Variants in MYLK observed in about 807,000 individuals in gnomAD.
MYLK encodes the protein myosin light chain kinase, smooth muscle.
A neutral mutation model predicts 203.4 loss-of-function variants in MYLK; 106 were observed. The observed-to-expected ratio is 0.52, with a 90% CI of 0.45 to 0.61. MYLK has a LOEUF of 0.61. Ranked by LOEUF, MYLK falls within the 20% of genes least tolerant of loss-of-function variation. The probability of loss-of-function intolerance (pLI) is 0.00; values close to 1 mark genes in which losing one functional copy is unlikely to be tolerated. For synonymous variants in MYLK, 867 were observed against 959.5 expected (o/e 0.90, Z 1.78); for missense variants, 2,072 against 2,442.3 (o/e 0.85, Z 3.20).
At chr3:123,786,219 C>T (rs1173390066) in intron 4 of MYLK, among the ~76,000 whole-genome samples, 2 of 151,574 alleles carry the variant, frequency 1.3e-5, no homozygotes, top group African/African-American at 4.9e-5. Context: ...AGGAGTGTCG[C>T]TCGAACCTGG....
rs2057237059 is a variant in MYLK at position 123,611,084 on chromosome 3, G to C, written c.*3021C>G. On this transcript the variant is annotated 3_prime_UTR_variant, in exon 34 of 34. Transcript: ENST00000360304. The stretch of plus-strand genomic sequence containing the variant: ...TCATTTTCTTTAAAAATAATAAATT[G>C]TTAGGGACATTTGTGGATTGTGAGT... 2 of 152,154 alleles carry C rather than the reference G, an allele frequency of 1.3e-5. No homozygotes were observed. 9.4% of individuals were successfully genotyped at this position (152,154 alleles called of 1,614,324 possible).
chr3:123,776,345 C>T (rs1201426034), intron 4 of MYLK, among the ~76,000 whole-genome samples: 1 of 152,156 alleles, frequency 6.6e-6, no homozygotes, highest in African/African-American at 2.4e-5. Flanking sequence ...ACAGTGCAAG[C>T]TGAAGAAGAC....
intron 27 of MYLK, among the ~76,000 whole-genome samples, chr3:123,645,269 T>C (rs1231887693): frequency 6.6e-6 from 1 of 152,142 alleles, no homozygotes; most frequent in Non-Finnish European, 1.5e-5. Context: ...AAATAACAAG[T>C]TAGAAGCAGA....
Position 123,722,234 on chromosome 3 carries a change from A to G in MYLK, c.1698T>C (p.Ala566=), listed in dbSNP as rs1576734425. 3 of 1,564,968 alleles carry G rather than the reference A, an allele frequency of 1.9e-6. No individual in the cohort carries two copies. Among genetic ancestry groups the G allele is most frequent in the Non-Finnish European group, 1.7e-6 (2 of 1,154,160 alleles). The change falls in exon 13 of 34, where the codon GCT becomes GCC. Residue 566 remains alanine (A), a synonymous_variant. Coordinates refer to ENST00000360304, the MANE Select transcript of MYLK (RefSeq NM_053025.4). ...GCAGGGCATCCTGGATGTGGAGCTC[A>G]GCCACGCCGGCCTCGCAGGTGGAGC... ...YARSTCEAGV[A]ELHIQDALPE...
intron 11 of MYLK, among the ~76,000 whole-genome samples, chr3:123,730,517 C>T (rs530632953): frequency 5.3e-5 from 8 of 152,244 alleles, no homozygotes; most frequent in South Asian, 4.2e-4. Flanking sequence ...TTAAGTGATG[C>T]GTGGATAAAC....
At chr3:123,752,705 A>C (rs1486038687) in intron 4 of MYLK, among the ~76,000 whole-genome samples, 167 bp from the exon 5 acceptor site, 1 of 152,128 alleles carries the variant, frequency 6.6e-6, no homozygotes, top group African/African-American at 2.4e-5. Context: ...GAGTTTTGGC[A>C]ATTTCCCAAG....
chr3:123,630,293 A>G (rs2058357457), intron 29 of MYLK, among the ~76,000 whole-genome samples: 1 of 152,188 alleles, frequency 6.6e-6, no homozygotes, highest in Admixed American at 6.5e-5. Flanking sequence ...GATCTGTGTC[A>G]GTTTTCTCCT....
At chr3:123,653,443 C>T (rs1312250298) in intron 24 of MYLK, among the ~76,000 whole-genome samples, 1 of 152,212 alleles carries the variant, frequency 6.6e-6, no homozygotes, top group Non-Finnish European at 1.5e-5. Context: ...TCCTCCTCCC[C>T]CTTGGTAATC....
intron 2 of MYLK, among the ~76,000 whole-genome samples, chr3:123,857,284 A>G (rs920679736): frequency 6.6e-5 from 10 of 152,208 alleles, no homozygotes; most frequent in African/African-American, 2.4e-4. Flanking sequence ...TGACCCAGTC[A>G]TCCCATTACT....
intron 4 of MYLK, among the ~76,000 whole-genome samples, chr3:123,766,990 C>T (rs75609972): frequency 2.9e-4 from 44 of 152,294 alleles, no homozygotes; most frequent in African/African-American, 1.1e-3. Context: ...ACATTTAAAG[C>T]AGAATTAGAC....
chr3:123,834,947 ATTG>A (rs1296443284), intron 2 of MYLK, among the ~76,000 whole-genome samples: 2 of 152,196 alleles, frequency 1.3e-5, no homozygotes, highest in African/African-American at 4.8e-5. Context: ...CCTGAAGGGT[ATTG>A]TTGGCTGGAC....
intron 3 of MYLK, among the ~76,000 whole-genome samples, chr3:123,825,346 C>A (rs1189327232): frequency 1.3e-5 from 2 of 152,022 alleles, no homozygotes; most frequent in Non-Finnish European, 2.9e-5. Flanking sequence ...ATGGAGCCAC[C>A]CAACCTCTGC....
intron 3 of MYLK, among the ~76,000 whole-genome samples, chr3:123,824,101 T>G (rs533590508): frequency 7.9e-5 from 12 of 152,036 alleles, no homozygotes; most frequent in African/African-American, 2.9e-4. Context: ...TCTTTTTTTT[T>G]TTTTTGAGAC....
At position 123,733,879 on chromosome 3, in the gene MYLK, T is replaced by C; in HGVS notation, c.1117A>G (p.Arg373Gly). 1 of 1,614,104 alleles carries C rather than the reference T, an allele frequency of 6.2e-7. No homozygotes were observed. Among genetic ancestry groups the C allele is most frequent in the East Asian group, 2.2e-5 (1 of 44,872 alleles). Residue 373 changes from arginine (R) to glycine (G), a missense_variant, in exon 10 of 34, where the codon AGG (arginine) becomes GGG (glycine). By Grantham distance (125) the Arg-to-Gly change is moderately radical (BLOSUM62 -2). Transcript: ENST00000360304. ...GTGGCTGGACGGGGAGGAGCTGGCC[T>C]CTTCCTCTCTTCTCCAGAAGGTGAT... ...VLSPSGEERKRPAPPRPATFP... is the reference protein window; with the variant it reads ...VLSPSGEERKGPAPPRPATFP...
rs569731444 is a variant in MYLK at position 123,651,443 on chromosome 3, C to T, written c.4289-2249G>A. 6.6e-5 allele frequency among the ~76,000 whole-genome samples: 10 copies of T among 152,292 alleles called. No individual in the cohort carries two copies. In the East Asian group the frequency reaches 1.5e-3, roughly 23 times the overall value. On this transcript the variant is annotated intron_variant, in intron 24 of 33. Coordinates refer to ENST00000360304, the MANE Select transcript of MYLK (RefSeq NM_053025.4). ...TGGACCAGTCACTGGACTAGGTCTTCGACACAGAATCATCCTATTTACTGT... is the reference window on the plus strand; with the variant it reads ...TGGACCAGTCACTGGACTAGGTCTTTGACACAGAATCATCCTATTTACTGT...
chr3:123,654,772 A>G (rs2059339930), intron 24 of MYLK, among the ~76,000 whole-genome samples: 1 of 133,192 alleles, frequency 7.5e-6, no homozygotes. Flanking sequence ...GCTGGAGTTC[A>G]GTGGTGCAAT....
chr3:123,823,795 A>T (rs1042238177), intron 3 of MYLK, among the ~76,000 whole-genome samples: 3 of 152,046 alleles, frequency 2.0e-5, no homozygotes, highest in Admixed American at 6.6e-5. Flanking sequence ...CACTGCCCCA[A>T]ACTCATCTCC....
intron 3 of MYLK, among the ~76,000 whole-genome samples, chr3:123,806,809 C>G (rs750406952): frequency 2.0e-5 from 3 of 151,888 alleles, no homozygotes; most frequent in Non-Finnish European, 4.4e-5. Flanking sequence ...ATTACAGGTG[C>G]GCATCACTAC....
At chr3:123,834,353 T>C (rs889710802) in intron 2 of MYLK, among the ~76,000 whole-genome samples, 1 of 152,120 alleles carries the variant, frequency 6.6e-6, no homozygotes, top group Non-Finnish European at 1.5e-5. Flanking sequence ...GCCTCAGAGT[T>C]TGGTAACTTT....
Sources: gnomAD v4.1 joint callset for allele counts (sites outside exome capture counted in the v4.1 genomes callset) on GRCh38, gnomAD v4.1.1 for gene constraint, MANE v1.5 for transcripts, NCBI Gene and HGNC (gene_info 2026-07-23, HGNC 2026-07-21) for gene names.